The following LRRK2 variants were observed in gnomAD, a reference collection of about 807,000 sequenced individuals.
LRRK2 encodes leucine-rich repeat serine/threonine-protein kinase 2.
LRRK2 carries 203 observed loss-of-function variants against 302.6 expected under a neutral mutation model. The observed-to-expected ratio is 0.67, with a 90% CI of 0.60 to 0.75. LRRK2 has a LOEUF of 0.75. Among genes scored for constraint, LRRK2 ranks in the 30% least tolerant of loss-of-function variants. LRRK2 has a pLI of 0.00. For missense variants in LRRK2, 2,830 were observed against 2,951.0 expected (o/e 0.96, Z 0.95); for synonymous variants, 1,066 against 1,031.9 (o/e 1.03, Z -0.63).
chr12:40,361,175 G>A (rs1052698736), intron 47 of LRRK2, among the ~76,000 whole-genome samples: 7 of 151,920 alleles, frequency 4.6e-5, no homozygotes, highest in African/African-American at 1.5e-4. Flanking sequence ...GTATATTTGA[G>A]GTTAAGATAT....
rs781535658 is a variant in LRRK2 at position 40,363,527 on chromosome 12, G to T, written c.7154G>T (p.Gly2385Val). The T allele has an allele frequency of 1.2e-6, 2 of 1,611,658 alleles. No homozygotes were observed. The highest frequency in any genetic ancestry group is 1.3e-5 in the African/African-American group (1 of 74,736). The stretch of plus-strand genomic sequence containing the variant: ...GATAAGAAAACTGAAAAACTCTGTG[G>T]ACTAATAGACTGCGTGCACTTTTTA... ...VWDKKTEKLC[G>V]LIDCVHFLRE... The change falls in exon 48 of 51, where the codon GGA (glycine) becomes GTA (valine). Residue 2385 changes from glycine (G) to valine (V), a missense_variant. Coordinates refer to ENST00000298910, the MANE Select transcript of LRRK2 (RefSeq NM_198578.4).
intron 20 of LRRK2, among the ~76,000 whole-genome samples, chr12:40,288,264 A>ATTTATATAAATTATAT (rs1232813686): frequency 1.1e-4 from 17 of 151,970 alleles, no homozygotes; most frequent in African/African-American, 4.1e-4. Context: ...TACATATATA[A>ATTTATATAAATTATAT]TTTATATAAA....
chr12:40,329,316 C>T (rs964049559), intron 39 of LRRK2, among the ~76,000 whole-genome samples: 18 of 151,962 alleles, frequency 1.2e-4, no homozygotes, highest in African/African-American at 4.4e-4. Context: ...TTTAGTATAC[C>T]AACTCTAGAC....
intron 5 of LRRK2, 106 bp downstream of exon 5, chr12:40,238,209 T>C: frequency 5.1e-6 from 6 of 1,183,064 alleles, no homozygotes; most frequent in Non-Finnish European, 7.1e-6. Flanking sequence ...AAAATCCTAC[T>C]ATTTATTAAG....
chr12:40,269,572 T>G (rs996291534), intron 14 of LRRK2, among the ~76,000 whole-genome samples: 1 of 152,154 alleles, frequency 6.6e-6, no homozygotes, highest in Non-Finnish European at 1.5e-5. Flanking sequence ...TTGCACCCTA[T>G]AAAATTTTGA....
At chr12:40,311,346 CTT>C (rs34073574) in intron 31 of LRRK2, among the ~76,000 whole-genome samples, 4 of 151,098 alleles carry the variant, frequency 2.6e-5, no homozygotes, top group Admixed American at 2.6e-4. Context: ...AGAGAGAACA[CTT>C]TTTTTTTTAA....
At chr12:40,259,405 A>G (rs1942670530) in intron 12 of LRRK2, 75 bp from the exon 13 acceptor site, 11 of 1,578,836 alleles carry the variant, frequency 7.0e-6, no homozygotes, top group Admixed American at 3.3e-5. Context: ...GCCCTCCTGT[A>G]CTTATTTCAA....
chr12:40,307,781 C>T (rs369765331), intron 28 of LRRK2, among the ~76,000 whole-genome samples: 12 of 119,376 alleles, frequency 1.0e-4, no homozygotes, highest in African/African-American at 2.2e-4. Flanking sequence ...CTTTTCTTTT[C>T]TTTTTTTTTT....
intron 8 of LRRK2, among the ~76,000 whole-genome samples, chr12:40,250,793 A>G (rs1942230343): frequency 6.6e-6 from 1 of 152,198 alleles, no homozygotes; most frequent in African/African-American, 2.4e-5. Context: ...TTATCTGAGG[A>G]TAATGGTTTC....
At chr12:40,318,257 G>C (rs1219794050) in intron 33 of LRRK2, among the ~76,000 whole-genome samples, 1 of 152,012 alleles carries the variant, frequency 6.6e-6, no homozygotes, top group Non-Finnish European at 1.5e-5. Context: ...TATATGAATA[G>C]CACCTATGTA....
At chr12:40,309,871 A>C (rs1410339371) in intron 30 of LRRK2, among the ~76,000 whole-genome samples, 1 of 152,180 alleles carries the variant, frequency 6.6e-6, no homozygotes, top group Admixed American at 6.6e-5. Context: ...GGCTGCATAC[A>C]TGCTTGTTTT....
intron 30 of LRRK2, 70 bp downstream of exon 30, chr12:40,309,303 T>TGC: frequency 3.2e-6 from 5 of 1,538,670 alleles, no homozygotes; most frequent in Non-Finnish European, 8.8e-7. Flanking sequence ...TGTGTGTGTG[T>TGC]AAGTTAATTT....
intron 41 of LRRK2, among the ~76,000 whole-genome samples, chr12:40,344,441 T>A (rs1051683929): frequency 6.6e-6 from 1 of 152,248 alleles, no homozygotes; most frequent in South Asian, 2.1e-4. Flanking sequence ...GTTAATGAAC[T>A]AGTGACTGTG....
chr12:40,267,411 A>C (rs1486490665), intron 14 of LRRK2, among the ~76,000 whole-genome samples: 1 of 152,182 alleles, frequency 6.6e-6, no homozygotes, highest in Non-Finnish European at 1.5e-5. Context: ...AGGAGGGAAC[A>C]GTTAAGTTTA....
At position 40,251,391 on chromosome 12, in the gene LRRK2, T is replaced by C. The variant is rs916247113; in HGVS notation, c.1101+17T>C. ...CACGTGCAGGTAGGACTCTCATAAATATTAGAGTTATTCAAAATTATGTTT... is the reference window on the plus strand; with the variant it reads ...CACGTGCAGGTAGGACTCTCATAAACATTAGAGTTATTCAAAATTATGTTT... On this transcript the variant is annotated intron_variant, in intron 9 of 50. Coordinates refer to ENST00000298910, the MANE Select transcript of LRRK2 (RefSeq NM_198578.4). The C allele has an allele frequency of 3.7e-6, 6 of 1,613,784 alleles. No individual in the cohort carries two copies. The highest frequency in any genetic ancestry group is 5.1e-6 in the Non-Finnish European group (6 of 1,179,760).
intron 33 of LRRK2, among the ~76,000 whole-genome samples, chr12:40,315,849 A>G (rs529785095): frequency 1.3e-5 from 2 of 152,144 alleles, no homozygotes; most frequent in Admixed American, 1.3e-4. Context: ...GAGTTTAATT[A>G]GTTATAATAA....
At chr12:40,248,050 T>TA (rs1440226369) in intron 7 of LRRK2, among the ~76,000 whole-genome samples, 1 of 152,040 alleles carries the variant, frequency 6.6e-6, no homozygotes, top group Non-Finnish European at 1.5e-5. Flanking sequence ...GGTGACCCTT[T>TA]ATTCATTATT....
Position 40,257,241 on chromosome 12 carries a change from AT to A in LRRK2, c.1289-6del, listed in dbSNP as rs758855054. 4.0e-5 allele frequency: 62 copies of A among 1,534,722 alleles called. No homozygotes were observed. The highest frequency in any genetic ancestry group is 5.2e-5 in the Non-Finnish European group (58 of 1,108,968). Reference sequence around the variant, plus strand: ...ATATCTATAAGTAACATTTTAAAAAATCTCAGTTAATTTCAGAAAAATACTG... The same window carrying A: ...ATATCTATAAGTAACATTTTAAAAAACTCAGTTAATTTCAGAAAAATACTG... On this transcript the variant is annotated splice_region_variant and splice_polypyrimidine_tract_variant and intron_variant, in intron 11 of 50. Transcript: ENST00000298910.
intron 11 of LRRK2, among the ~76,000 whole-genome samples, chr12:40,254,427 A>AG (rs1320492671): frequency 2.0e-5 from 3 of 152,162 alleles, no homozygotes; most frequent in Non-Finnish European, 4.4e-5. Context: ...ACAGACAGAC[A>AG]GGGGCTGCTC....
Sources: gnomAD v4.1 joint callset for allele counts (sites outside exome capture counted in the v4.1 genomes callset) on GRCh38, gnomAD v4.1.1 for gene constraint, MANE v1.5 for transcripts, NCBI Gene and HGNC (gene_info 2026-07-23, HGNC 2026-07-21) for gene names.